The following RASL12 variants were observed in gnomAD, a reference collection of about 807,000 sequenced individuals.
RASL12 encodes the protein RAS like family 12.
In RASL12, 16 loss-of-function variants were observed where a neutral mutation model predicts 22.9. The observed-to-expected ratio is 0.70, with a 90% CI of 0.47 to 1.06. RASL12 has a LOEUF of 1.06. Among genes scored for constraint, RASL12 ranks in the 50% least tolerant of loss-of-function variants. The probability of loss-of-function intolerance (pLI) is 0.00; values close to 1 mark genes in which losing one functional copy is unlikely to be tolerated. For synonymous variants in RASL12, 159 were observed against 152.2 expected, an observed-to-expected ratio of 1.04 and a Z score of -0.33; for missense variants, 306 against 353.1, an observed-to-expected ratio of 0.87 and a Z score of 1.07.
At chr15:65,064,538 C>T (rs1057068019) in intron 2 of RASL12, among the ~76,000 whole-genome samples, 3 of 152,102 alleles carry the variant, frequency 2.0e-5, no homozygotes, top group African/African-American at 7.2e-5. Context: ...AATGTCCTGC[C>T]CAGGTTTTCT....
chr15:65,050,302 T>C (rs2086632980), downstream of RASL12, among the ~76,000 whole-genome samples: 1 of 152,204 alleles, frequency 6.6e-6, no homozygotes, highest in African/African-American at 2.4e-5. Flanking sequence ...TGGTCGCTTA[T>C]TTATGCAGCC....
Position 65,054,645 on chromosome 15 carries a change from G to T in RASL12, c.*254C>A, listed in dbSNP as rs1210320091. 1.5e-6 allele frequency: 2 copies of T among 1,361,994 alleles called. No individual in the cohort carries two copies. The highest frequency in any genetic ancestry group is 1.9e-6 in the Non-Finnish European group (2 of 1,056,860). 84.4% of individuals were successfully genotyped at this position (1,361,994 alleles called of 1,614,324 possible). A position where few individuals can be genotyped will look rare whatever the true frequency, so the allele number is the denominator to read the frequency against. The stretch of plus-strand genomic sequence containing the variant: ...CTTAAGGCTGACCCCAGGTCTCTGG[G>T]TTGTCACAGTGGCTGTTTCCCTCTA... On this transcript the variant is annotated 3_prime_UTR_variant, in exon 5 of 5. Coordinates refer to ENST00000220062, the MANE Select transcript of RASL12 (RefSeq NM_016563.4).
rs2086900776 is a variant in RASL12 at position 65,067,962 on chromosome 15, C to G, written c.-127G>C. The G allele has an allele frequency of 8.4e-7, 1 of 1,187,052 alleles. No individual in the cohort carries two copies. The highest frequency in any genetic ancestry group is 1.0e-6 in the Non-Finnish European group (1 of 959,384). 73.5% of individuals were successfully genotyped at this position (1,187,052 alleles called of 1,614,324 possible). Reference sequence around the variant, plus strand: ...CGCGCGGCCCCGGACCCGTCGGCGTCCGCGCCCTCGGCCCCGCGTCCAGCG... The same window carrying G: ...CGCGCGGCCCCGGACCCGTCGGCGTGCGCGCCCTCGGCCCCGCGTCCAGCG... On this transcript the variant is annotated 5_prime_UTR_variant, in exon 1 of 5. Transcript: ENST00000220062.
chr15:65,073,106 G>A (rs571558566), intron 1 of RASL12, among the ~76,000 whole-genome samples: 25 of 152,082 alleles, frequency 1.6e-4, no homozygotes, highest in African/African-American at 4.3e-4. Flanking sequence ...AACAAAAACC[G>A]ACAACAAAAA....
At chr15:65,074,724 C>T (rs1033825616) in intron 1 of RASL12, among the ~76,000 whole-genome samples, 1 of 152,190 alleles carries the variant, frequency 6.6e-6, no homozygotes, top group African/African-American at 2.4e-5. Flanking sequence ...ACATGAGGAA[C>T]GGTTAGGACA....
upstream of RASL12, among the ~76,000 whole-genome samples, chr15:65,071,873 G>C (rs1312346788): frequency 1.3e-5 from 2 of 152,208 alleles, no homozygotes; most frequent in Admixed American, 6.5e-5. Flanking sequence ...CCTGAGACAA[G>C]GCTAGTGCAG....
At chr15:65,048,179 T>A in the RASL12 span, among the ~76,000 whole-genome samples, 1 of 106,300 alleles carries the variant, frequency 9.4e-6, no homozygotes, top group Non-Finnish European at 1.8e-5. Context: ...AGACTCCGTC[T>A]CAAAAGAAAA....
chr15:65,073,408 T>C (rs1399506849), intron 1 of RASL12, among the ~76,000 whole-genome samples: 1 of 152,110 alleles, frequency 6.6e-6, no homozygotes, highest in Non-Finnish European at 1.5e-5. Flanking sequence ...AGGCATTAGA[T>C]TGTCATAAGG....
At chr15:65,057,818 A>C (rs531007233) in intron 4 of RASL12, among the ~76,000 whole-genome samples, 1 of 152,272 alleles carries the variant, frequency 6.6e-6, no homozygotes, top group African/African-American at 2.4e-5. Flanking sequence ...AGATAGATTC[A>C]TGCAAGAAGG....
At chr15:65,056,749 A>G (rs2086736965) in intron 4 of RASL12, among the ~76,000 whole-genome samples, 1 of 152,194 alleles carries the variant, frequency 6.6e-6, no homozygotes. Context: ...GCCAATGCTC[A>G]GCTAAAAGTT....
downstream of RASL12, among the ~76,000 whole-genome samples, chr15:65,050,836 C>CCTTTTTT (rs2086642864): frequency 1.0e-5 from 1 of 95,650 alleles, no homozygotes; most frequent in Non-Finnish European, 1.9e-5. Context: ...TCTTCTTCTT[C>CCTTTTTT]TTTTTTTTTT....
At chr15:65,055,464 A>G (rs2086720380) in intron 4 of RASL12, among the ~76,000 whole-genome samples, 190 bp from the exon 5 acceptor site, 1 of 152,218 alleles carries the variant, frequency 6.6e-6, no homozygotes. Context: ...TAGGATTACG[A>G]AAGACAATTT....
chr15:65,063,486 A>C (rs1015567028), intron 2 of RASL12, among the ~76,000 whole-genome samples: 2 of 152,126 alleles, frequency 1.3e-5, no homozygotes, highest in African/African-American at 2.4e-5. Context: ...GACCTCTGCT[A>C]ATCAAAGGGC....
downstream of RASL12, chr15:65,051,633 G>C (rs2086654374): frequency 6.2e-7 from 1 of 1,605,122 alleles, no homozygotes; most frequent in Admixed American, 1.7e-5. Context: ...GGGGGATGGG[G>C]TGGTCTCTGT....
Position 65,054,792 on chromosome 15 carries a change from G to A in RASL12, c.*107C>T. On this transcript the variant is annotated 3_prime_UTR_variant, in exon 5 of 5. Transcript: ENST00000220062. ...GTAGGGACACTGCTTGGTGCTGGAG[G>A]CGGGGTCTGCTGTCCATCAGACGGA... is the stretch of plus-strand genomic sequence containing the variant. The A allele has an allele frequency of 6.6e-7, 1 of 1,510,008 alleles. No individual in the cohort carries two copies. Among genetic ancestry groups the A allele is most frequent in the South Asian group, 1.3e-5 (1 of 75,574 alleles). The allele number at this position is 1,510,008 out of a possible 1,614,324, so 93.5% of individuals were successfully genotyped here. A position where few individuals can be genotyped will look rare whatever the true frequency, so the allele number is the denominator to read the frequency against.
At chr15:65,073,269 T>C (rs2086943993) in intron 1 of RASL12, among the ~76,000 whole-genome samples, 1 of 152,192 alleles carries the variant, frequency 6.6e-6, no homozygotes, top group Non-Finnish European at 1.5e-5. Flanking sequence ...TTATTTCTAT[T>C]ATTATTATAA....
In RASL12 at chr15:65,055,021, T is replaced by C. The variant is rs776613905; in HGVS notation, c.679A>G (p.Ile227Val). 55 of 1,613,852 alleles carry C rather than the reference T, an allele frequency of 3.4e-5. No individual in the cohort carries two copies. The Admixed American group carries it at 8.3e-4, about 24-fold the overall frequency. The part of the protein sequence containing the change: ...ASCTFNTLST[I>V]NLKEMPTVAQ... Reference sequence around the variant, plus strand: ...ACAGTGGGCATCTCCTTCAGGTTGATGGTGGAGAGCGTGTTGAAGGTGCAG... The same window carrying C: ...ACAGTGGGCATCTCCTTCAGGTTGACGGTGGAGAGCGTGTTGAAGGTGCAG... Residue 227 changes from isoleucine to valine, a missense_variant, in exon 5 of 5, where the codon ATC becomes GTC. Transcript: ENST00000220062.
In RASL12 at chr15:65,067,978, G is replaced by C; in HGVS notation, c.-143C>G. 7 of 1,170,468 alleles carry C rather than the reference G, an allele frequency of 6.0e-6. No homozygotes were observed. The highest frequency in any genetic ancestry group is 7.4e-6 in the Non-Finnish European group (7 of 948,842). 72.5% of individuals were successfully genotyped at this position (1,170,468 alleles called of 1,614,324 possible). ...CGTCGGCGTCCGCGCCCTCGGCCCC[G>C]CGTCCAGCGGGCTGCCACCCCGCGG... On this transcript the variant is annotated 5_prime_UTR_variant, in exon 1 of 5. Coordinates refer to ENST00000220062, the MANE Select transcript of RASL12 (RefSeq NM_016563.4).
At chr15:65,046,554 C>A in the RASL12 span, among the ~76,000 whole-genome samples, 11 of 152,134 alleles carry the variant, frequency 7.2e-5, no homozygotes, top group Admixed American at 3.3e-4. Flanking sequence ...GGATTTGTAT[C>A]CAATTTGTCA....
Sources: gnomAD v4.1 joint callset for allele counts (sites outside exome capture counted in the v4.1 genomes callset) on GRCh38, gnomAD v4.1.1 for gene constraint, MANE v1.5 for transcripts, NCBI Gene and HGNC (gene_info 2026-07-23, HGNC 2026-07-21) for gene names.